The following PHF24 variants were observed in gnomAD, a reference collection of about 807,000 sequenced individuals.
The protein encoded by PHF24 is Galpha inhibitory interacting protein.
Under a neutral mutation model 42.6 loss-of-function variants are expected in PHF24, and 25 were observed. The observed-to-expected ratio is 0.59, with a 90% CI of 0.43 to 0.82. The LOEUF is 0.82. PHF24 is among the 40% of genes least tolerant of loss of function. PHF24 has a pLI of 0.00. For synonymous variants in PHF24, 185 were observed against 204.8 expected (o/e 0.90, Z 0.83); for missense variants, 470 against 538.1 (o/e 0.87, Z 1.25).
At chr9:34,690,063 A>C in the PHF24 span, 158 of 1,599,896 alleles carry the variant, frequency 9.9e-5, no homozygotes, top group African/African-American at 1.9e-3. Flanking sequence ...CCCAGAATCC[A>C]GCATGCCTGG....
intron 1 of PHF24, among the ~76,000 whole-genome samples, chr9:34,966,700 CTTTTT>C (rs1321623496): frequency 2.0e-5 from 3 of 150,982 alleles, no homozygotes; most frequent in African/African-American, 7.3e-5. Flanking sequence ...CACCTTTTTT[CTTTTT>C]TAAGAGACAG....
chr9:34,856,747 G>T, the PHF24 span, among the ~76,000 whole-genome samples: 94 of 152,362 alleles, frequency 6.2e-4, no homozygotes, highest in African/African-American at 2.2e-3. Context: ...GTCTCACCCA[G>T]TCAGGAGGAA....
chr9:34,914,501 C>T, the PHF24 span, among the ~76,000 whole-genome samples: 1 of 151,986 alleles, frequency 6.6e-6, no homozygotes, highest in African/African-American at 2.4e-5. Flanking sequence ...CTATATCTAT[C>T]GTCTTCTCTT....
At chr9:34,944,864 G>A in the PHF24 span, among the ~76,000 whole-genome samples, 7 of 140,934 alleles carry the variant, frequency 5.0e-5, no homozygotes, top group Admixed American at 5.2e-4. Flanking sequence ...TTCAGCCTGG[G>A]AAACATAATG....
At chr9:34,935,592 T>TAA in the PHF24 span, among the ~76,000 whole-genome samples, 11 of 11,804 alleles carry the variant, frequency 9.3e-4, no homozygotes, top group South Asian at 7.1e-3. Context: ...AGACTTCATC[T>TAA]GAAAAAAAAA....
intron 1 of PHF24, among the ~76,000 whole-genome samples, chr9:34,963,984 G>C (rs1432445948): frequency 1.5e-4 from 23 of 152,198 alleles, no homozygotes; most frequent in Non-Finnish European, 2.5e-4. Context: ...AAAGATTTAA[G>C]AGGCTAAAAC....
At chr9:34,933,626 G>A in the PHF24 span, among the ~76,000 whole-genome samples, 1 of 151,466 alleles carries the variant, frequency 6.6e-6, no homozygotes, top group African/African-American at 2.4e-5. Flanking sequence ...TCAGGAGGCT[G>A]AGACAGAAGA....
the PHF24 span, among the ~76,000 whole-genome samples, chr9:34,949,756 A>C: frequency 6.6e-6 from 1 of 152,154 alleles, no homozygotes; most frequent in African/African-American, 2.4e-5. Flanking sequence ...GGAACAGAAA[A>C]CCAAACACCG....
At chr9:34,841,788 C>T in the PHF24 span, among the ~76,000 whole-genome samples, 2 of 152,138 alleles carry the variant, frequency 1.3e-5, no homozygotes, top group Admixed American at 6.5e-5. Context: ...AACCAGTTGG[C>T]GGAGGTTGCA....
chr9:34,688,185 GT>G, the PHF24 span, among the ~76,000 whole-genome samples: 1 of 152,124 alleles, frequency 6.6e-6, no homozygotes, highest in African/African-American at 2.4e-5. Flanking sequence ...CCCAGGCCTG[GT>G]TTTGTTGCTG....
chr9:34,823,314 C>T, the PHF24 span, among the ~76,000 whole-genome samples: 1 of 150,608 alleles, frequency 6.6e-6, no homozygotes, highest in East Asian at 2.0e-4. Context: ...CTAGGGGGAA[C>T]ATGGCAGGGA....
the PHF24 span, among the ~76,000 whole-genome samples, chr9:34,705,664 G>C: frequency 6.6e-6 from 1 of 152,192 alleles, no homozygotes; most frequent in Non-Finnish European, 1.5e-5. Flanking sequence ...TGAAAATAAA[G>C]GCATGTAATT....
chr9:34,891,149 T>G, the PHF24 span, among the ~76,000 whole-genome samples: 1 of 152,178 alleles, frequency 6.6e-6, no homozygotes, highest in African/African-American at 2.4e-5. Context: ...GGATCATCAG[T>G]AACAGCATCT....
chr9:34,913,876 C>A, the PHF24 span, among the ~76,000 whole-genome samples: 1 of 152,112 alleles, frequency 6.6e-6, no homozygotes, highest in Non-Finnish European at 1.5e-5. Context: ...GGAGCATAAA[C>A]CTTTAGGCTT....
chr9:34,733,289 G>A, the PHF24 span, among the ~76,000 whole-genome samples: 1 of 152,040 alleles, frequency 6.6e-6, no homozygotes, highest in African/African-American at 2.4e-5. Context: ...TCTTTTCTGT[G>A]AAATATCTCT....
At chr9:34,960,417 G>A (rs767782162) in intron 1 of PHF24, among the ~76,000 whole-genome samples, 1 of 152,138 alleles carries the variant, frequency 6.6e-6, no homozygotes, top group African/African-American at 2.4e-5. Flanking sequence ...TACCTTGCGC[G>A]CAACTCAGTG....
the PHF24 span, among the ~76,000 whole-genome samples, chr9:34,668,709 A>G: frequency 2.0e-5 from 3 of 152,204 alleles, no homozygotes; most frequent in African/African-American, 7.2e-5. Context: ...CTCCCTCACA[A>G]TTTGTCCACA....
At chr9:34,767,045 T>A in the PHF24 span, among the ~76,000 whole-genome samples, 1 of 152,214 alleles carries the variant, frequency 6.6e-6, no homozygotes, top group East Asian at 1.9e-4. Flanking sequence ...TGCTGCTGTC[T>A]GATCGTTCCT....
At chr9:34,976,217 T>C in exon 4 of PHF24, 1 of 1,613,894 alleles carries the variant, frequency 6.2e-7, no homozygotes, top group East Asian at 2.2e-5. Flanking sequence ...TTCAGCGGTG[T>C]AAAGTCATCC....
Sources: allele counts gnomAD v4.1 joint callset (sites outside exome capture counted in the v4.1 genomes callset), GRCh38; gene constraint gnomAD v4.1.1; transcripts MANE v1.5; gene names NCBI Gene and HGNC (gene_info 2026-07-23, HGNC 2026-07-21).